Variants in ABCB5 observed in about 807,000 individuals in gnomAD.
ABCB5 encodes ATP-binding cassette sub-family B member 5.
Under a neutral mutation model 144.2 loss-of-function variants are expected in ABCB5, and 155 were observed. The observed-to-expected ratio is 1.08, with a 90% CI of 0.94 to 1.23. The LOEUF is 1.23. Among genes scored for constraint, ABCB5 ranks in the 50% most tolerant of loss-of-function variants. The probability of loss-of-function intolerance (pLI) is 0.00; values close to 1 mark genes in which losing one functional copy is unlikely to be tolerated. For synonymous variants in ABCB5, 610 were observed against 528.6 expected (o/e 1.15, Z -2.11); for missense variants, 1,830 against 1,520.8 (o/e 1.20, Z -3.38).
intron 5 of ABCB5, among the ~76,000 whole-genome samples, chr7:20,639,890 A>C (rs1377030518): frequency 6.6e-6 from 1 of 152,202 alleles, no homozygotes; most frequent in Non-Finnish European, 1.5e-5. Context: ...ACAGGAAAGC[A>C]CACAGGAGAA....
At chr7:20,742,020 G>A (rs1303038452) in intron 24 of ABCB5, among the ~76,000 whole-genome samples, 1 of 152,178 alleles carries the variant, frequency 6.6e-6, no homozygotes, top group African/African-American at 2.4e-5. Flanking sequence ...TAAAGAGATT[G>A]ATGCACAGAG....
chr7:20,753,375 G>A lies in ABCB5; in HGVS notation c.3445G>A (p.Val1149Ile), dbSNP rs368158449. 9 of 1,612,934 alleles carry A rather than the reference G, an allele frequency of 5.6e-6. No individual in the cohort carries two copies. The highest frequency in any genetic ancestry group is 5.3e-5 in the African/African-American group (4 of 74,882). Residue 1149 changes from valine to isoleucine, a missense_variant, in exon 27 of 28, where the codon GTT (valine) becomes ATT (isoleucine). Coordinates refer to ENST00000404938, the MANE Select transcript of ABCB5 (RefSeq NM_001163941.2). ...CCTGTGATAGAAATACAACACACAA[G>A]TTGGACTGAAAGGAGCACAGCTTTC... ...EGLPEKYNTQ[V>I]GLKGAQLSGG...
At chr7:20,712,155 C>A (rs1195314263) in intron 20 of ABCB5, among the ~76,000 whole-genome samples, 1 of 75,976 alleles carries the variant, frequency 1.3e-5, no homozygotes, top group African/African-American at 5.5e-5. Context: ...AGCAAGACGC[C>A]GTCAAAAAAA....
rs968482499 is a variant in ABCB5 at position 20,628,291 on chromosome 7, G to C, written c.109-397G>C. ...TTCTGTCCTTGTAATAGTTTGCTGA[G>C]TATGATGGTTTCCAGCTTCATCCAT... On this transcript the variant is annotated intron_variant, in intron 3 of 27. Transcript: ENST00000404938. 3.9e-5 allele frequency among the ~76,000 whole-genome samples: 6 copies of C among 152,048 alleles called. No individual in the cohort carries two copies. In the East Asian group the frequency reaches 9.6e-4, roughly 24 times the overall value.
At chr7:20,657,349 A>G (rs1784843583) in intron 13 of ABCB5, among the ~76,000 whole-genome samples, 1 of 152,244 alleles carries the variant, frequency 6.6e-6, no homozygotes, top group Admixed American at 6.5e-5. Context: ...CTGAATTCAA[A>G]TGTAACAGCT....
At chr7:20,755,069 C>T (rs1783045662) in intron 27 of ABCB5, among the ~76,000 whole-genome samples, 1 of 152,162 alleles carries the variant, frequency 6.6e-6, no homozygotes, top group Admixed American at 6.5e-5. Flanking sequence ...CCTGCCTCAG[C>T]CTCCCAAATA....
At chr7:20,704,631 A>G (rs1472256087) in intron 19 of ABCB5, 93 bp from the exon 20 acceptor site, 14 of 844,752 alleles carry the variant, frequency 1.7e-5, no homozygotes, top group Non-Finnish European at 2.7e-5. Flanking sequence ...GTGAGGAGGC[A>G]GGTAAATGTT....
intron 1 of ABCB5, among the ~76,000 whole-genome samples, chr7:20,619,017 C>T: frequency 6.6e-6 from 1 of 151,896 alleles, no homozygotes; most frequent in East Asian, 1.9e-4. Context: ...TCAAGTGATC[C>T]ACCTACTTCG....
intron 14 of ABCB5, among the ~76,000 whole-genome samples, chr7:20,666,293 G>A (rs185884211): frequency 1.1e-4 from 17 of 152,248 alleles, no homozygotes; most frequent in East Asian, 7.7e-4. Context: ...TTGTGTTCTC[G>A]TAGGTTTTCT....
chr7:20,644,098 T>A (rs1314590098), intron 7 of ABCB5, among the ~76,000 whole-genome samples: 5 of 152,108 alleles, frequency 3.3e-5, no homozygotes, highest in Non-Finnish European at 5.9e-5. Flanking sequence ...AGTTTTTTTT[T>A]TTTTTGAGGC....
chr7:20,635,988 A>G (rs1251233532), intron 5 of ABCB5, among the ~76,000 whole-genome samples: 1 of 152,174 alleles, frequency 6.6e-6, no homozygotes, highest in Non-Finnish European at 1.5e-5. Flanking sequence ...TCAAGCATTA[A>G]TAATTATATC....
chr7:20,626,856 T>TGTGC (rs1554278228), intron 3 of ABCB5, among the ~76,000 whole-genome samples: 3,930 of 79,998 alleles, frequency 0.049, 175 homozygotes, highest in African/African-American at 0.16. Context: ...GTTTTTGGGG[T>TGTGC]GTGTGTGTGT....
In ABCB5 at chr7:20,711,390, C is replaced by T. The variant is rs573074816; in HGVS notation, c.2421+6583C>T. Among the ~76,000 whole-genome samples the T allele has an allele frequency of 2.0e-5, 3 of 148,980 alleles. No individual in the cohort carries two copies. The South Asian group carries it at 6.5e-4, about 32-fold the overall frequency. ...TTATGCCTGAAAAGTCTTTATTTCA[C>T]CTTAATTTTTTTGAAATATATTTCC... On this transcript the variant is annotated intron_variant, in intron 20 of 27. Coordinates refer to ENST00000404938, the MANE Select transcript of ABCB5 (RefSeq NM_001163941.2).
At chr7:20,658,838 A>C (rs978038471) in intron 14 of ABCB5, among the ~76,000 whole-genome samples, 162 bp downstream of exon 14, 7 of 152,162 alleles carry the variant, frequency 4.6e-5, no homozygotes, top group African/African-American at 1.7e-4. Flanking sequence ...GGCTATAGGA[A>C]GTGGTTTAGA....
intron 13 of ABCB5, among the ~76,000 whole-genome samples, chr7:20,655,957 C>G (rs753203298): frequency 6.6e-6 from 1 of 152,142 alleles, no homozygotes; most frequent in African/African-American, 2.4e-5. Flanking sequence ...TAGATCAGTA[C>G]AATGGAACAG....
chr7:20,712,837 CATT>C (rs1293642714), intron 20 of ABCB5, among the ~76,000 whole-genome samples: 2 of 149,442 alleles, frequency 1.3e-5, no homozygotes, highest in Non-Finnish European at 3.0e-5. Flanking sequence ...TATATGTAGT[CATT>C]ATGAAATGGA....
chr7:20,692,107 G>A (rs1238173006), intron 16 of ABCB5, among the ~76,000 whole-genome samples: 2 of 152,056 alleles, frequency 1.3e-5, no homozygotes, highest in Non-Finnish European at 2.9e-5. Flanking sequence ...CCAATTTGAT[G>A]AAAACTTAAA....
chr7:20,630,661 T>C (rs920733955), intron 4 of ABCB5, among the ~76,000 whole-genome samples: 2 of 152,156 alleles, frequency 1.3e-5, no homozygotes, highest in African/African-American at 2.4e-5. Context: ...GAGTAAACAT[T>C]TATTGATTGT....
chr7:20,703,695 A>G (rs1786711124), intron 19 of ABCB5, among the ~76,000 whole-genome samples: 1 of 152,212 alleles, frequency 6.6e-6, no homozygotes, highest in Admixed American at 6.5e-5. Context: ...AAGAGATACA[A>G]GTGGTTCCAG....
Sources: gnomAD v4.1 joint callset for allele counts (sites outside exome capture counted in the v4.1 genomes callset) on GRCh38, gnomAD v4.1.1 for gene constraint, MANE v1.5 for transcripts, NCBI Gene and HGNC (gene_info 2026-07-23, HGNC 2026-07-21) for gene names.